The following SOX5 variants were observed in gnomAD, a reference collection of about 807,000 sequenced individuals.
The protein encoded by SOX5 is transcription factor SOX-5.
A neutral mutation model predicts 92.0 loss-of-function variants in SOX5; 9 were observed. The ratio of observed to expected loss-of-function variants is 0.10; its 90% CI spans 0.06 to 0.17. The LOEUF (loss-of-function observed/expected upper bound fraction) is 0.17. Among genes scored for constraint, SOX5 ranks in the 10% least tolerant of loss-of-function variants. The probability of loss-of-function intolerance (pLI) is 1.00; values close to 1 mark genes in which losing one functional copy is unlikely to be tolerated. For synonymous variants in SOX5, 344 were observed against 336.3 expected (o/e 1.02, Z -0.25); for missense variants, 642 against 944.5 (o/e 0.68, Z 4.20).
intron 3 of SOX5, among the ~76,000 whole-genome samples, chr12:24,265,594 G>A (rs1227419568): frequency 6.6e-6 from 1 of 152,034 alleles, no homozygotes; most frequent in Admixed American, 6.6e-5. Context: ...TGATATTTAT[G>A]GTTTAAAAGT....
At chr12:24,517,742 C>T (rs1367973436) in intron 1 of SOX5, among the ~76,000 whole-genome samples, 1 of 149,900 alleles carries the variant, frequency 6.7e-6, no homozygotes, top group Non-Finnish European at 1.5e-5. Context: ...AGGTTTACAA[C>T]TCAGCAACAG....
At chr12:23,715,225 G>T (rs2092400671) in intron 6 of SOX5, among the ~76,000 whole-genome samples, 1 of 151,956 alleles carries the variant, frequency 6.6e-6, no homozygotes, top group African/African-American at 2.4e-5. Context: ...CGTGAACCCA[G>T]GAGGCGAAGC....
intron 1 of SOX5, among the ~76,000 whole-genome samples, chr12:24,441,782 C>G (rs1335882286): frequency 1.3e-5 from 2 of 152,054 alleles, no homozygotes; most frequent in Non-Finnish European, 2.9e-5. Flanking sequence ...TTTAGGAAAC[C>G]ATTTTATTGT....
chr12:23,801,121 C>A (rs1043164872), intron 3 of SOX5, among the ~76,000 whole-genome samples: 2 of 152,138 alleles, frequency 1.3e-5, no homozygotes, highest in Admixed American at 1.3e-4. Flanking sequence ...ACTTGTCTGT[C>A]CCTTGGCTCC....
At chr12:24,195,432 A>C (rs1156422352) in intron 4 of SOX5, among the ~76,000 whole-genome samples, 1 of 152,210 alleles carries the variant, frequency 6.6e-6, no homozygotes, top group African/African-American at 2.4e-5. Flanking sequence ...TTTAGGCCCA[A>C]AGAATACTTT....
chr12:23,918,581 A>G (rs1189835675), intron 1 of SOX5, among the ~76,000 whole-genome samples: 1 of 152,170 alleles, frequency 6.6e-6, no homozygotes, highest in African/African-American at 2.4e-5. Context: ...TGCTATACTT[A>G]ACCATGCCTT....
chr12:23,926,590 G>C (rs952983745), intron 1 of SOX5, among the ~76,000 whole-genome samples: 37 of 151,972 alleles, frequency 2.4e-4, no homozygotes, highest in African/African-American at 8.7e-4. Flanking sequence ...TGAACTTTTG[G>C]ATTATGTTTG....
In SOX5 at chr12:23,896,036, A is replaced by G; in HGVS notation, c.39-12T>C. ...GCTTGGAAGACATCCTGGAAGGAAC[A>G]AAAGAGGAGAAAATAATGAAACCTC... On this transcript the variant is annotated splice_polypyrimidine_tract_variant and intron_variant, in intron 1 of 14. Transcript: ENST00000451604. 1.3e-6 allele frequency: 2 copies of G among 1,553,170 alleles called. No individual in the cohort carries two copies. Among genetic ancestry groups the G allele is most frequent in the Non-Finnish European group, 1.8e-6 (2 of 1,125,714 alleles).
At chr12:23,621,270 T>A (rs2077144326) in intron 8 of SOX5, among the ~76,000 whole-genome samples, 1 of 151,886 alleles carries the variant, frequency 6.6e-6, no homozygotes, top group Non-Finnish European at 1.5e-5. Flanking sequence ...GAAAGTAGAA[T>A]AGAGCTTATC....
chr12:23,723,543 C>T (rs950553772), intron 6 of SOX5, among the ~76,000 whole-genome samples: 18 of 146,692 alleles, frequency 1.2e-4, no homozygotes, highest in South Asian at 6.4e-4. Flanking sequence ...CAGAACTAAA[C>T]GGTGGTAATT....
chr12:24,163,975 T>C (rs1953082314), intron 4 of SOX5, among the ~76,000 whole-genome samples: 1 of 152,092 alleles, frequency 6.6e-6, no homozygotes, highest in South Asian at 2.1e-4. Flanking sequence ...GAAGAGAAAT[T>C]ATACGGTATA....
chr12:23,939,528 A>G (rs1198746222), intron 1 of SOX5, among the ~76,000 whole-genome samples: 1 of 151,082 alleles, frequency 6.6e-6, no homozygotes, highest in Non-Finnish European at 1.5e-5. Context: ...AATTCCTGTT[A>G]TCTCAAATAC....
At chr12:24,357,023 C>T (rs12227867) in intron 2 of SOX5, among the ~76,000 whole-genome samples, 9,048 of 152,216 alleles carry the variant, frequency 0.059, 391 homozygotes, top group Non-Finnish European at 0.086. Flanking sequence ...ATAATAGATG[C>T]TTCTTTCATT....
chr12:23,722,401 A>C (rs531596508), intron 6 of SOX5, among the ~76,000 whole-genome samples: 196 of 152,298 alleles, frequency 1.3e-3, no homozygotes, highest in African/African-American at 4.5e-3. Context: ...AAAAATTACT[A>C]TCTATGTTAG....
At chr12:24,175,879 G>A (rs1954752977) in intron 4 of SOX5, among the ~76,000 whole-genome samples, 1 of 152,006 alleles carries the variant, frequency 6.6e-6, no homozygotes, top group African/African-American at 2.4e-5. Context: ...CACAGATTTT[G>A]TATCTAGGGG....
intron 4 of SOX5, among the ~76,000 whole-genome samples, chr12:24,099,868 GAGACAAGCTGTAAA>G (rs1355272244): frequency 6.6e-6 from 1 of 152,122 alleles, no homozygotes; most frequent in African/African-American, 2.4e-5. Context: ...AATTAGCTGT[GAGACAAGCTGTAAA>G]TCTTGTCTCT....
intron 1 of SOX5, among the ~76,000 whole-genome samples, chr12:23,923,920 A>G (rs1939194194): frequency 6.6e-6 from 1 of 152,168 alleles, no homozygotes; most frequent in Non-Finnish European, 1.5e-5. Flanking sequence ...GTTTGAATTT[A>G]TCTTTCACTT....
chr12:23,755,839 T>C (rs920287208), intron 3 of SOX5, 115 bp from the exon 4 acceptor site: 6 of 605,686 alleles, frequency 9.9e-6, no homozygotes, highest in African/African-American at 2.0e-5. Flanking sequence ...CACTTCATAA[T>C]GGCTTCATCA....
At chr12:23,876,514 T>C (rs1486278612) in intron 2 of SOX5, among the ~76,000 whole-genome samples, 2 of 152,200 alleles carry the variant, frequency 1.3e-5, no homozygotes, top group Admixed American at 6.5e-5. Context: ...ATAGGAATGC[T>C]TTTACACTGT....
Sources: allele counts gnomAD v4.1 joint callset (sites outside exome capture counted in the v4.1 genomes callset), GRCh38; gene constraint gnomAD v4.1.1; transcripts MANE v1.5; gene names NCBI Gene and HGNC (gene_info 2026-07-23, HGNC 2026-07-21).